Variants in CALN1 observed in about 807,000 individuals in gnomAD.
The protein encoded by CALN1 is calneuron 1.
Under a neutral mutation model 30.6 loss-of-function variants are expected in CALN1, and 17 were observed. That is an observed-to-expected ratio of 0.56 (90% CI 0.38 to 0.83). The LOEUF (loss-of-function observed/expected upper bound fraction) is 0.83. Among genes scored for constraint, CALN1 ranks in the 40% least tolerant of loss-of-function variants. CALN1 has a pLI of 0.00. For missense variants in CALN1, 291 were observed against 354.9 expected (o/e 0.82, Z 1.45); for synonymous variants, 156 against 131.4 (o/e 1.19, Z -1.28).
chr7:72,255,412 A>G (rs13234400), intron 3 of CALN1, among the ~76,000 whole-genome samples: 1 of 125,694 alleles, frequency 8.0e-6, no homozygotes, highest in African/African-American at 3.1e-5. Context: ...TTCTTTTTTT[A>G]TTATTATTGT....
intron 5 of CALN1, among the ~76,000 whole-genome samples, chr7:71,993,943 T>C (rs1282552886): frequency 1.3e-5 from 2 of 152,172 alleles, no homozygotes; most frequent in Non-Finnish European, 2.9e-5. Flanking sequence ...CTACAAAAAA[T>C]GTTGAATTAT....
chr7:72,174,802 T>G (rs1043228978), intron 3 of CALN1, among the ~76,000 whole-genome samples: 1 of 152,218 alleles, frequency 6.6e-6, no homozygotes, highest in African/African-American at 2.4e-5. Flanking sequence ...TGGGGTGTGA[T>G]GGAAATCTTT....
At chr7:72,401,490 G>T (rs564070624) in intron 2 of CALN1, among the ~76,000 whole-genome samples, 1 of 152,142 alleles carries the variant, frequency 6.6e-6, no homozygotes, top group African/African-American at 2.4e-5. Context: ...GCGTGTGTGC[G>T]CGCACACAAA....
intron 3 of CALN1, among the ~76,000 whole-genome samples, chr7:72,208,858 G>A (rs1386762148): frequency 1.3e-5 from 2 of 152,102 alleles, no homozygotes; most frequent in Admixed American, 1.3e-4. Context: ...TAAAGGTAGT[G>A]GCTGCTCTCC....
At chr7:72,019,110 C>G (rs970155761) in intron 5 of CALN1, among the ~76,000 whole-genome samples, 1 of 151,904 alleles carries the variant, frequency 6.6e-6, no homozygotes, top group Non-Finnish European at 1.5e-5. Flanking sequence ...CTCGGCCTCC[C>G]TAAGTGCTGG....
intron 5 of CALN1, among the ~76,000 whole-genome samples, chr7:71,944,489 G>A (rs1474897648): frequency 1.3e-5 from 2 of 149,996 alleles, no homozygotes; most frequent in Non-Finnish European, 3.0e-5. Context: ...AGCTACTTGG[G>A]AGGCTGAGGC....
chr7:72,003,828 C>T (rs1042297241), intron 5 of CALN1, among the ~76,000 whole-genome samples: 2 of 152,068 alleles, frequency 1.3e-5, no homozygotes, highest in Non-Finnish European at 2.9e-5. Flanking sequence ...TGAATGATCC[C>T]GAAACCATCC....
intron 3 of CALN1, among the ~76,000 whole-genome samples, chr7:72,122,215 T>C (rs1808445947): frequency 6.6e-6 from 1 of 152,162 alleles, no homozygotes; most frequent in Admixed American, 6.5e-5. Flanking sequence ...AATTTGTCAT[T>C]AGATCACACT....
chr7:72,215,029 TAATAGA>T (rs1562749168), intron 3 of CALN1, among the ~76,000 whole-genome samples: 1 of 151,962 alleles, frequency 6.6e-6, no homozygotes, highest in African/African-American at 2.4e-5. Context: ...AATGTAATCA[TAATAGA>T]AATAAAGTGC....
At chr7:72,071,446 G>T (rs151303932) in intron 4 of CALN1, among the ~76,000 whole-genome samples, 1 of 152,132 alleles carries the variant, frequency 6.6e-6, no homozygotes, top group East Asian at 1.9e-4. Context: ...TCTTTTGGAA[G>T]TCAGACATCA....
intron 6 of CALN1, among the ~76,000 whole-genome samples, chr7:71,797,164 G>A (rs765161591): frequency 1.3e-5 from 2 of 152,098 alleles, no homozygotes; most frequent in East Asian, 3.9e-4. Context: ...CAGAGACACC[G>A]GCTTCCAAAT....
chr7:72,239,961 C>T (rs568360607), intron 3 of CALN1, among the ~76,000 whole-genome samples: 7 of 152,126 alleles, frequency 4.6e-5, no homozygotes, highest in Non-Finnish European at 1.0e-4. Context: ...GATTTCTATT[C>T]GACCATGCTG....
chr7:71,917,054 T>C (rs554882875), intron 5 of CALN1, among the ~76,000 whole-genome samples: 2 of 152,258 alleles, frequency 1.3e-5, no homozygotes, highest in East Asian at 1.9e-4. Context: ...AGATAATGGA[T>C]TTAACAGCCT....
intron 5 of CALN1, among the ~76,000 whole-genome samples, chr7:71,971,949 AAAAAAAAGAAAGAAAGAAAGAAAG>A (rs1797835292): frequency 2.5e-5 from 2 of 81,050 alleles, no homozygotes; most frequent in East Asian, 2.1e-3. Flanking sequence ...AAAAAAAAAA[AAAAAAAAGAAAGAAAGAAAGAAAG>A]AAAGAAAGAA....
chr7:72,062,539 AT>A (rs199739732), intron 4 of CALN1, among the ~76,000 whole-genome samples: 3,102 of 139,938 alleles, frequency 0.022, 109 homozygotes, highest in African/African-American at 0.082. Context: ...AAGAAAAAAA[AT>A]AAATAAATAA....
intron 5 of CALN1, among the ~76,000 whole-genome samples, chr7:71,885,161 C>CT (rs963193767): frequency 2.6e-5 from 4 of 151,852 alleles, no homozygotes; most frequent in African/African-American, 7.3e-5. Context: ...TTTCTTTTTT[C>CT]TTTTTTTTGA....
chr7:72,481,081 T>A, the CALN1 span, among the ~76,000 whole-genome samples: 1 of 152,160 alleles, frequency 6.6e-6, no homozygotes, highest in African/African-American at 2.4e-5. Context: ...GCCTCCTGAG[T>A]AGCTGGAATT....
At chr7:72,442,115 A>G (rs970464743) in intron 1 of CALN1, among the ~76,000 whole-genome samples, 2 of 152,058 alleles carry the variant, frequency 1.3e-5, no homozygotes, top group African/African-American at 4.8e-5. Flanking sequence ...AAAAAAACAA[A>G]AAGTTCAGAA....
chr7:72,337,248 C>T (rs987847862), intron 2 of CALN1: 103 of 985,108 alleles, frequency 1.0e-4, no homozygotes, highest in Non-Finnish European at 1.2e-4. Context: ...CTCGCTCTGC[C>T]GGCGCCCGCG....
Sources: gnomAD v4.1 joint callset for allele counts (sites outside exome capture counted in the v4.1 genomes callset) on GRCh38, gnomAD v4.1.1 for gene constraint, MANE v1.5 for transcripts, NCBI Gene and HGNC (gene_info 2026-07-23, HGNC 2026-07-21) for gene names.